The following MAP3K5 variants were observed in gnomAD, a reference collection of about 807,000 sequenced individuals.
MAP3K5 encodes mitogen-activated protein kinase kinase kinase 5.
MAP3K5 carries 56 observed loss-of-function variants against 158.7 expected under a neutral mutation model. The observed-to-expected ratio is 0.35, with a 90% confidence interval of 0.28 to 0.44. The LOEUF is 0.44. Ranked by LOEUF, MAP3K5 falls within the 20% of genes least tolerant of loss-of-function variation. The pLI, the probability that MAP3K5 is intolerant of heterozygous loss-of-function variation, is 1.00. For synonymous variants in MAP3K5, 579 were observed against 601.7 expected, an observed-to-expected ratio of 0.96 and a Z score of 0.55; for missense variants, 1,294 against 1,674.8, an observed-to-expected ratio of 0.77 and a Z score of 3.97.
chr6:136,635,979 A>C (rs1235603915), intron 14 of MAP3K5, among the ~76,000 whole-genome samples: 1 of 152,208 alleles, frequency 6.6e-6, no homozygotes, highest in Non-Finnish European at 1.5e-5. Context: ...TTATGAGATG[A>C]CATTATCAAA....
At chr6:136,562,691 A>C in intron 26 of MAP3K5, 76 bp from the exon 27 acceptor site, 1 of 727,516 alleles carries the variant, frequency 1.4e-6, no homozygotes, top group African/African-American at 1.9e-5. Context: ...ATTTTTTTAG[A>C]TACAAGGTCT....
In MAP3K5 at chr6:136,681,903, A is replaced by T. The variant is rs542492061; in HGVS notation, c.1253+12237T>A. On this transcript the variant is annotated intron_variant, in intron 7 of 29. Transcript: ENST00000359015. Reference sequence around the variant, plus strand: ...CATTGCACTCCAGCCTGGGCAACAGAGCAAGACTCTGTTTTAAAAAAAAAA... The same window carrying T: ...CATTGCACTCCAGCCTGGGCAACAGTGCAAGACTCTGTTTTAAAAAAAAAA... Among the ~76,000 whole-genome samples, 421 of 152,270 alleles carry T rather than the reference A, an allele frequency of 2.8e-3. 1 individual carries two copies. Among genetic ancestry groups the T allele is most frequent in the Middle Eastern group, 6.8e-3 (2 of 294 alleles).
At chr6:136,653,225 A>G (rs1771723367) in intron 10 of MAP3K5, among the ~76,000 whole-genome samples, 1 of 152,234 alleles carries the variant, frequency 6.6e-6, no homozygotes, top group Admixed American at 6.5e-5. Context: ...AGAGGTAAGA[A>G]AAAAGAATAA....
At chr6:136,627,487 G>C (rs1777093688) in intron 14 of MAP3K5, among the ~76,000 whole-genome samples, 1 of 152,208 alleles carries the variant, frequency 6.6e-6, no homozygotes, top group African/African-American at 2.4e-5. Flanking sequence ...GCTATGGTCT[G>C]AATGTTTGCG....
intron 7 of MAP3K5, among the ~76,000 whole-genome samples, chr6:136,686,198 T>A (rs1373087992): frequency 1.3e-5 from 2 of 152,200 alleles, no homozygotes; most frequent in African/African-American, 4.8e-5. Context: ...AAGTGTCATG[T>A]GCAAGATCAA....
chr6:136,752,277 AAATC>A (rs1215761801), intron 1 of MAP3K5, among the ~76,000 whole-genome samples: 2 of 152,144 alleles, frequency 1.3e-5, no homozygotes, highest in African/African-American at 4.8e-5. Context: ...CCTACCTTTC[AAATC>A]AATAAGGGCT....
chr6:136,629,681 C>T (rs983410769), intron 14 of MAP3K5, among the ~76,000 whole-genome samples: 4 of 152,118 alleles, frequency 2.6e-5, no homozygotes, highest in African/African-American at 9.7e-5. Context: ...GTCTCAATCT[C>T]CTGACCTCAT....
Position 136,611,289 on chromosome 6 carries a change from A to T in MAP3K5, c.2514T>A (p.Thr838=), listed in dbSNP as rs1337099545. The change falls in exon 18 of 30, where the codon ACT becomes ACA. Residue 838 remains threonine (T), a synonymous_variant. Transcript: ENST00000359015. ...RLAGINPCTE[T]FTGTLQYMAP... ...ATCATTGCAAAAACATACCAGTAAA[A>T]GTTTCAGTACAGGGGTTTATGCCAG... 3 of 1,606,796 alleles carry T rather than the reference A, an allele frequency of 1.9e-6. No individual in the cohort carries two copies. Among genetic ancestry groups the T allele is most frequent in the African/African-American group, 1.3e-5 (1 of 74,688 alleles).
chr6:136,747,389 G>C (rs965479347), intron 1 of MAP3K5, among the ~76,000 whole-genome samples: 1 of 152,192 alleles, frequency 6.6e-6, no homozygotes, highest in African/African-American at 2.4e-5. Context: ...TACGGGTGCT[G>C]TCTAGATACA....
At chr6:136,712,449 C>T (rs1260449747) in intron 2 of MAP3K5, among the ~76,000 whole-genome samples, 1 of 152,138 alleles carries the variant, frequency 6.6e-6, no homozygotes, top group Non-Finnish European at 1.5e-5. Flanking sequence ...GCTGGGATTA[C>T]AGCTGTGCCC....
chr6:136,580,877 G>A (rs1271644463), intron 24 of MAP3K5, among the ~76,000 whole-genome samples: 1 of 151,910 alleles, frequency 6.6e-6, no homozygotes. Flanking sequence ...TGCAGTGGCG[G>A]GATCATGGCT....
rs144029054 is a variant in MAP3K5 at position 136,638,149 on chromosome 6, C to T, written c.1935-743G>A. On this transcript the variant is annotated intron_variant, in intron 13 of 29. Transcript: ENST00000359015. ...CAAGCCTGATTGGAATAACAGTTTG[C>T]GCTATTAAATAGCACAATGAATGAG... Among the ~76,000 whole-genome samples the T allele has an allele frequency of 7.5e-3, 1,134 of 151,936 alleles. 17 individuals are homozygous for T. The highest frequency in any genetic ancestry group is 0.025 in the African/African-American group (1,026 of 41,394).
At chr6:136,716,274 A>C (rs1420972474) in intron 2 of MAP3K5, among the ~76,000 whole-genome samples, 1 of 152,202 alleles carries the variant, frequency 6.6e-6, no homozygotes, top group South Asian at 2.1e-4. Flanking sequence ...AGAAGGTAGT[A>C]TCTCTCCCAC....
chr6:136,590,728 G>A (rs1775347270), intron 23 of MAP3K5, among the ~76,000 whole-genome samples: 1 of 151,992 alleles, frequency 6.6e-6, no homozygotes, highest in Non-Finnish European at 1.5e-5. Flanking sequence ...TTTTAGTAGA[G>A]ATGGGGTTTC....
At position 136,714,469 on chromosome 6, in the gene MAP3K5, T is replaced by A. The variant is rs117162950; in HGVS notation, c.588+5981A>T. ...AGATAAAAGATCATGGGTCTAGGTA[T>A]CACAGAACTGCTCAAATGAGCAGTA... On this transcript the variant is annotated intron_variant, in intron 2 of 29. Transcript: ENST00000359015. Among the ~76,000 whole-genome samples, 296 of 152,352 alleles carry A rather than the reference T, an allele frequency of 1.9e-3. 7 individuals carry two copies. The East Asian group carries it at 0.035, about 18-fold the overall frequency.
chr6:136,769,515 T>G (rs748283641), intron 1 of MAP3K5, among the ~76,000 whole-genome samples: 11 of 151,756 alleles, frequency 7.2e-5, no homozygotes, highest in Non-Finnish European at 1.5e-4. Context: ...CTATAAGTTA[T>G]CTCTCAATTT....
chr6:136,561,861 A>AT (rs1439561293), intron 27 of MAP3K5, among the ~76,000 whole-genome samples: 2 of 152,246 alleles, frequency 1.3e-5, no homozygotes, highest in African/African-American at 4.8e-5. Context: ...CAATAATGAA[A>AT]TGACACTCCT....
At chr6:136,731,972 T>G (rs1441654728) in intron 1 of MAP3K5, among the ~76,000 whole-genome samples, 2 of 152,180 alleles carry the variant, frequency 1.3e-5, no homozygotes, top group African/African-American at 4.8e-5. Flanking sequence ...TTGTACGCAT[T>G]TTTGAAGTCA....
At chr6:136,696,582 T>C (rs1780609205) in intron 5 of MAP3K5, among the ~76,000 whole-genome samples, 1 of 152,146 alleles carries the variant, frequency 6.6e-6, no homozygotes. Context: ...CCTGAAAGGC[T>C]AGGAATGGAA....
Sources: gnomAD v4.1 joint callset for allele counts (sites outside exome capture counted in the v4.1 genomes callset) on GRCh38, gnomAD v4.1.1 for gene constraint, MANE v1.5 for transcripts, NCBI Gene and HGNC (gene_info 2026-07-23, HGNC 2026-07-21) for gene names.